The following LRP2 variants were observed in gnomAD, a reference collection of about 807,000 sequenced individuals.
The protein encoded by LRP2 is LDL receptor related protein 2, also known as low-density lipoprotein receptor-related protein 2.
LRP2 carries 172 observed loss-of-function variants against 531.0 expected under a neutral mutation model. That is an observed-to-expected ratio of 0.32 (90% CI 0.29 to 0.37). The LOEUF (loss-of-function observed/expected upper bound fraction) is 0.37, where lower values mean the gene tolerates loss of function less well. Among genes scored for constraint, LRP2 ranks in the 10% least tolerant of loss-of-function variants. The pLI, the probability that LRP2 is intolerant of heterozygous loss-of-function variation, is 1.00. For synonymous variants in LRP2, 1,992 were observed against 2,027.6 expected (o/e 0.98, Z 0.47); for missense variants, 5,167 against 5,868.3 (o/e 0.88, Z 3.90).
rs963924205 is a variant in LRP2 at position 169,175,311 on chromosome 2, C to T, written c.10650G>A (p.Gln3550=). 7 of 1,614,070 alleles carry T rather than the reference C, an allele frequency of 4.3e-6. No homozygotes were observed. In the Admixed American group the frequency reaches 1.2e-4, roughly 27 times the overall value. The change falls in exon 55 of 79, where the codon CAG becomes CAA. Residue 3550 remains glutamine, a synonymous_variant. Coordinates refer to ENST00000649046, the MANE Select transcript of LRP2 (RefSeq NM_004525.3). ...GGAACTGTCCCAGTCGGCAGAAGCG[C>T]TGCGGGCAAAGGGCCAGTTCATCAG... ...DGSDELALCP[Q]RFCRLGQFQC... is the part of the protein sequence containing the mutation.
At chr2:169,311,084 TTCTC>T (rs1308644272) in intron 3 of LRP2, among the ~76,000 whole-genome samples, 1 of 152,242 alleles carries the variant, frequency 6.6e-6, no homozygotes, top group Non-Finnish European at 1.5e-5. Flanking sequence ...TATTTGATTC[TTCTC>T]TCTTTTTTCG....
At chr2:169,163,252 T>C (rs941574430) in intron 62 of LRP2, among the ~76,000 whole-genome samples, 2 of 152,156 alleles carry the variant, frequency 1.3e-5, no homozygotes, top group Non-Finnish European at 2.9e-5. Flanking sequence ...GAAGATAGAA[T>C]GTTAGTAATG....
chr2:169,336,534 C>A (rs1685408961), intron 1 of LRP2, among the ~76,000 whole-genome samples: 2 of 138,998 alleles, frequency 1.4e-5, no homozygotes, highest in South Asian at 4.4e-4. Context: ...AGCAAGACTC[C>A]ATCACACACA....
In LRP2 at chr2:169,226,406, G is replaced by T. The variant is rs763002753; in HGVS notation, c.5394+16C>A. 6.3e-7 allele frequency: 1 copy of T among 1,593,970 alleles called. No homozygotes were observed. Among genetic ancestry groups the T allele is most frequent in the Non-Finnish European group, 8.6e-7 (1 of 1,162,276 alleles). On this transcript the variant is annotated intron_variant, in intron 32 of 78. Transcript: ENST00000649046. The stretch of plus-strand genomic sequence containing the variant: ...CAAGAATAAATTATATACTTTGAAT[G>T]TTATTCAAAACTTACTGGATTTTCA...
intron 70 of LRP2, among the ~76,000 whole-genome samples, chr2:169,143,368 C>T (rs879928250): frequency 8.5e-5 from 13 of 152,272 alleles, no homozygotes; most frequent in South Asian, 2.1e-4. Context: ...CCAGGCCAGG[C>T]GCGGTGGCTC....
rs762619907 is a variant in LRP2 at position 169,140,591 on chromosome 2, C to T, written c.13109-46G>A. 1.2e-5 allele frequency: 18 copies of T among 1,462,644 alleles called. No individual in the cohort carries two copies. In the African/African-American group the frequency reaches 1.5e-4, roughly 12 times the overall value. The allele number at this position is 1,462,644 out of a possible 1,614,324, so 90.6% of individuals were successfully genotyped here. ...GCAGGTGTTAGTCAGCTGTACTCAGCAGAGTGCCCACACCATGCAAACCGG... is the reference window on the plus strand; with the variant it reads ...GCAGGTGTTAGTCAGCTGTACTCAGTAGAGTGCCCACACCATGCAAACCGG... On this transcript the variant is annotated intron_variant, in intron 71 of 78. Transcript: ENST00000649046.
In LRP2 at chr2:169,207,167, G is replaced by A. The variant is rs143884041; in HGVS notation, c.6553C>T (p.Leu2185Phe). The A allele has an allele frequency of 7.1e-4, 1,147 of 1,613,514 alleles. 4 individuals are homozygous for A. The highest frequency in any genetic ancestry group is 2.3e-3 in the South Asian group (211 of 90,874). ...CTAGGCATGTCCACTGTGACTTTAA[G>A]AAGAACACGGCGGTAAGTAGTATTG... ...RINTTYRRVL[L>F]KVTVDMPRHI... is the part of the protein sequence containing the mutation. The change falls in exon 39 of 79, where the codon CTT becomes TTT. Residue 2185 changes from leucine to phenylalanine, a missense_variant. Leu to Phe is a conservative substitution (Grantham distance 22). Around this residue, in one of 6 missense-constraint regions of LRP2, gnomAD observed 2,811 missense variants for 3,058.0 expected, o/e 0.92. Coordinates refer to ENST00000649046, the MANE Select transcript of LRP2 (RefSeq NM_004525.3).
At chr2:169,264,437 G>A (rs1690708975) in intron 16 of LRP2, among the ~76,000 whole-genome samples, 1 of 151,888 alleles carries the variant, frequency 6.6e-6, no homozygotes, top group East Asian at 1.9e-4. Flanking sequence ...TGAGAACTAA[G>A]CTCGACTGCA....
chr2:169,331,774 T>C (rs116400101), intron 1 of LRP2, among the ~76,000 whole-genome samples: 1,981 of 152,332 alleles, frequency 0.013, 43 homozygotes, highest in African/African-American at 0.045. Flanking sequence ...GTGCAAAAAC[T>C]ACAAATCATT....
At chr2:169,272,886 C>T in intron 15 of LRP2, 41 bp downstream of exon 15, 1 of 1,612,016 alleles carries the variant, frequency 6.2e-7, no homozygotes, top group East Asian at 2.2e-5. Flanking sequence ...CACACATACA[C>T]CTGTGTCACC....
At chr2:169,189,489 A>C (rs1687756531) in intron 48 of LRP2, among the ~76,000 whole-genome samples, 1 of 152,192 alleles carries the variant, frequency 6.6e-6, no homozygotes, top group African/African-American at 2.4e-5. Flanking sequence ...GATCCAATGC[A>C]GGAGGAAAAA....
At chr2:169,134,016 C>T (rs948233085) in intron 76 of LRP2, among the ~76,000 whole-genome samples, 1 of 152,192 alleles carries the variant, frequency 6.6e-6, no homozygotes, top group Non-Finnish European at 1.5e-5. Context: ...CCCTGCTGAT[C>T]AAGTCTGACT....
Position 169,239,735 on chromosome 2 carries a change from G to A in LRP2, c.4086C>T (p.His1362=), listed in dbSNP as rs377704729. Residue 1362 remains histidine, a synonymous_variant, in exon 26 of 79, where the codon CAC becomes CAT. Coordinates refer to ENST00000649046, the MANE Select transcript of LRP2 (RefSeq NM_004525.3). ...CCCCAAAGGGCTCTTGAACACACTC[G>A]TGAGTACAACCACCATTGAAATCTG... ...SCSDFNGGCT[H]ECVQEPFGAK... 65 of 1,613,878 alleles carry A rather than the reference G, an allele frequency of 4.0e-5. No individual in the cohort carries two copies. The highest frequency in any genetic ancestry group is 2.3e-4 in the African/African-American group (17 of 74,908).
At chr2:169,291,378 C>T (rs185711033) in intron 7 of LRP2, among the ~76,000 whole-genome samples, 2 of 152,240 alleles carry the variant, frequency 1.3e-5, no homozygotes, top group East Asian at 1.9e-4. Context: ...TGTGGTTGGG[C>T]TTTTTGATTT....
chr2:169,268,610 A>G (rs1293594205), intron 16 of LRP2, among the ~76,000 whole-genome samples: 1 of 152,232 alleles, frequency 6.6e-6, no homozygotes, highest in Non-Finnish European at 1.5e-5. Context: ...TCTCAAAATA[A>G]TAAGAGCTAT....
At position 169,244,731 on chromosome 2, in the gene LRP2, T is replaced by G; in HGVS notation, c.3392A>C (p.Asp1131Ala). 1 of 1,614,232 alleles carries G rather than the reference T, an allele frequency of 6.2e-7. No homozygotes were observed. The highest frequency in any genetic ancestry group is 8.5e-7 in the Non-Finnish European group (1 of 1,180,026). Residue 1131 changes from aspartate to alanine, a missense_variant, in exon 22 of 79, where the codon GAC (aspartate) becomes GCC (alanine). By Grantham distance (126) the Asp-to-Ala change is moderately radical (BLOSUM62 -2). Around this residue, in one of 6 missense-constraint regions of LRP2, gnomAD observed 2,811 missense variants for 3,058.0 expected, o/e 0.92. Transcript: ENST00000649046. ...ATCAGATCCATCCCCACAATCATTG[T>G]CTGTGTCACAGACCCAGTTCTTTGA... ...CISKNWVCDT[D>A]NDCGDGSDEK...
chr2:169,224,703 T>A (rs1689136699), intron 33 of LRP2, among the ~76,000 whole-genome samples: 2 of 152,232 alleles, frequency 1.3e-5, no homozygotes, highest in Admixed American at 1.3e-4. Context: ...TTCTTATATA[T>A]TATTTTGTAA....
intron 1 of LRP2, among the ~76,000 whole-genome samples, chr2:169,342,901 T>C (rs1255194580): frequency 1.3e-5 from 2 of 152,220 alleles, no homozygotes; most frequent in African/African-American, 4.8e-5. Context: ...CACTGACCTT[T>C]CTGTAGTTTC....
chr2:169,185,014 G>C (rs1382128027), intron 50 of LRP2, among the ~76,000 whole-genome samples: 1 of 152,076 alleles, frequency 6.6e-6, no homozygotes, highest in Non-Finnish European at 1.5e-5. Context: ...TCTCACCTCA[G>C]CCTCCCAAAG....
Sources: gnomAD v4.1 joint callset for allele counts (sites outside exome capture counted in the v4.1 genomes callset) on GRCh38, gnomAD v4.1.1 for gene constraint, gnomAD v4.1.1 regional missense constraint, MANE v1.5 for transcripts, NCBI Gene and HGNC (gene_info 2026-07-23, HGNC 2026-07-21) for gene names.